The following FERMT2 variants were observed in gnomAD, a reference collection of about 807,000 sequenced individuals.
The protein encoded by FERMT2 is fermitin family homolog 2.
In FERMT2, 15 loss-of-function variants were observed where a neutral mutation model predicts 82.7. That is an observed-to-expected ratio of 0.18 (90% CI 0.12 to 0.28). The LOEUF is 0.28. FERMT2 is among the 10% of genes least tolerant of loss of function. The pLI, the probability that FERMT2 is intolerant of heterozygous loss-of-function variation, is 1.00. For missense variants in FERMT2, 645 were observed against 809.4 expected, an observed-to-expected ratio of 0.80 and a Z score of 2.46; for synonymous variants, 274 against 271.5, an observed-to-expected ratio of 1.01 and a Z score of -0.09.
intron 4 of FERMT2, among the ~76,000 whole-genome samples, chr14:52,888,910 C>T (rs1886764408): frequency 6.6e-6 from 1 of 151,954 alleles, no homozygotes; most frequent in Non-Finnish European, 1.5e-5. Flanking sequence ...TAAGTAAAAG[C>T]TAGGTTGTGG....
intron 9 of FERMT2, 80 bp downstream of exon 9, chr14:52,874,097 A>C: frequency 6.7e-6 from 6 of 896,532 alleles, no homozygotes; most frequent in Non-Finnish European, 1.0e-5. Flanking sequence ...AGTCAAACTT[A>C]ACAGTTAGTT....
At chr14:52,890,855 A>C (rs1886900319) in intron 4 of FERMT2, among the ~76,000 whole-genome samples, 1 of 152,030 alleles carries the variant, frequency 6.6e-6, no homozygotes, top group Non-Finnish European at 1.5e-5. Context: ...CACCCACCTC[A>C]GCCTCCCAAA....
rs768255796 is a variant in FERMT2 at position 52,945,191 on chromosome 14, G to GT, written c.157+5220dup. ...CTCCCAAAGTGCTAGGATTACAGGC[G>GT]TAAGTTACCGCACCCAGCCAATCCT... On this transcript the variant is annotated intron_variant, in intron 2 of 14. Transcript: ENST00000341590. Among the ~76,000 whole-genome samples, 277 of 152,006 alleles carry GT rather than the reference G, an allele frequency of 1.8e-3. 1 individual carries two copies. The highest frequency in any genetic ancestry group is 3.2e-3 in the Non-Finnish European group (219 of 67,966).
Position 52,858,420 on chromosome 14 carries a change from A to C in FERMT2, c.2000T>G (p.Leu667Ter). 6.2e-7 allele frequency: 1 copy of C among 1,614,152 alleles called. No individual in the cohort carries two copies. Among genetic ancestry groups the C allele is most frequent in the Non-Finnish European group, 8.5e-7 (1 of 1,179,986 alleles). The change falls in exon 15 of 15, where the codon TTA becomes TGA. Residue 667 changes from leucine (L) to a stop codon, truncating the protein, a stop_gained. Coordinates refer to ENST00000341590, the MANE Select transcript of FERMT2 (RefSeq NM_006832.3). LOFTEE classifies it high-confidence loss of function. ...AAGTTTGTAGAACATCTCTTCATCT[A>C]AACTCTCGTTTTGGTCTTTTGCACG... The part of the protein sequence containing the change: ...STRAKDQNES[L>*]DEEMFYKLTS...
intron 3 of FERMT2, among the ~76,000 whole-genome samples, chr14:52,912,824 T>G (rs986542500): frequency 6.6e-6 from 1 of 152,146 alleles, no homozygotes; most frequent in Non-Finnish European, 1.5e-5. Context: ...ATCATTACTT[T>G]CCATTCGATC....
At chr14:52,940,384 A>G (rs569452640) in intron 2 of FERMT2, among the ~76,000 whole-genome samples, 3 of 152,230 alleles carry the variant, frequency 2.0e-5, no homozygotes, top group African/African-American at 7.2e-5. Flanking sequence ...AAATACCATA[A>G]GACATCATTT....
At chr14:52,915,568 C>T (rs1375313419) in intron 3 of FERMT2, among the ~76,000 whole-genome samples, 1 of 152,066 alleles carries the variant, frequency 6.6e-6, no homozygotes, top group African/African-American at 2.4e-5. Flanking sequence ...GCATTTTCTC[C>T]TAAAATATGC....
chr14:52,859,427 G>T, intron 14 of FERMT2, 146 bp downstream of exon 14: 3 of 738,364 alleles, frequency 4.1e-6, no homozygotes, highest in Non-Finnish European at 3.9e-6. Flanking sequence ...AAATTTAAGT[G>T]AGAAATGAAT....
chr14:52,916,688 A>G (rs1310145784), intron 3 of FERMT2, among the ~76,000 whole-genome samples: 1 of 152,204 alleles, frequency 6.6e-6, no homozygotes, highest in East Asian at 1.9e-4. Flanking sequence ...ACTGTCACTG[A>G]GTGATAATGG....
At position 52,896,381 on chromosome 14, in the gene FERMT2, T is replaced by G. The variant is rs576029609; in HGVS notation, c.392-2954A>C. Among the ~76,000 whole-genome samples, 4 of 152,300 alleles carry G rather than the reference T, an allele frequency of 2.6e-5. No individual in the cohort carries two copies. The South Asian group carries it at 8.3e-4, about 32-fold the overall frequency. ...TTAGGAGCCCATGACATCCACTAGA[T>G]TCAACCCAATATTATAAATTCAGAA... On this transcript the variant is annotated intron_variant, in intron 3 of 14. Transcript: ENST00000341590.
rs1566733870 is a variant in FERMT2, at chr14:52,892,449, G to GTT, written c.526+842_526+843dup. On this transcript the variant is annotated intron_variant, in intron 4 of 14. Transcript: ENST00000341590. Reference sequence around the variant, plus strand: ...GAGCCACAGTACCCCGCCTGGTGCTGTTTTTTGTTTTTTTTTTTTTTTGAG... The same window carrying GTT: ...GAGCCACAGTACCCCGCCTGGTGCTGTTTTTTTTGTTTTTTTTTTTTTTTGAG... 8.7e-5 allele frequency among the ~76,000 whole-genome samples: 4 copies of GTT among 45,878 alleles called. No individual in the cohort carries two copies. In the East Asian group the frequency reaches 2.4e-3, roughly 28 times the overall value. 30.1% of individuals were successfully genotyped at this position (45,878 alleles called of 152,430 possible). A position where few individuals can be genotyped will look rare whatever the true frequency, so the allele number is the denominator to read the frequency against.
chr14:52,902,770 G>A (rs12590744), intron 3 of FERMT2, among the ~76,000 whole-genome samples: 23,417 of 149,100 alleles, frequency 0.16, 2,246 homozygotes, highest in African/African-American at 0.26. Context: ...TTGGGAGGCT[G>A]AGGCAGGAGA....
intron 2 of FERMT2, among the ~76,000 whole-genome samples, chr14:52,946,121 C>T (rs572146444): frequency 3.0e-4 from 46 of 152,172 alleles, no homozygotes; most frequent in African/African-American, 1.0e-3. Context: ...CTGATCTGCC[C>T]GCCTTGGCCT....
At chr14:52,865,441 G>T (rs1297130598) in intron 10 of FERMT2, among the ~76,000 whole-genome samples, 1 of 152,208 alleles carries the variant, frequency 6.6e-6, no homozygotes, top group Admixed American at 6.5e-5. Context: ...ATACAGTGAA[G>T]TAGAGCTCTG....
chr14:52,929,599 A>G (rs1346930454), intron 2 of FERMT2, among the ~76,000 whole-genome samples: 3 of 152,102 alleles, frequency 2.0e-5, no homozygotes, highest in Admixed American at 6.5e-5. Flanking sequence ...GAATCATATA[A>G]CTAAGCTCTT....
At chr14:52,903,675 T>C (rs974475439) in intron 3 of FERMT2, among the ~76,000 whole-genome samples, 1 of 152,162 alleles carries the variant, frequency 6.6e-6, no homozygotes, top group Non-Finnish European at 1.5e-5. Flanking sequence ...ATCCAACAAT[T>C]CTATCAAAGG....
intron 7 of FERMT2, among the ~76,000 whole-genome samples, chr14:52,876,675 C>T (rs1181483440): frequency 6.6e-6 from 1 of 152,124 alleles, no homozygotes; most frequent in Non-Finnish European, 1.5e-5. Flanking sequence ...TTTTTATCCC[C>T]ACCTTCTTGT....
chr14:52,944,393 AAC>A (rs1438780362), intron 2 of FERMT2, among the ~76,000 whole-genome samples: 1 of 152,198 alleles, frequency 6.6e-6, no homozygotes, highest in East Asian at 1.9e-4. Context: ...CAAGGGGAAA[AAC>A]TAAGGATTTC....
chr14:52,910,604 C>T (rs902830998), intron 3 of FERMT2, among the ~76,000 whole-genome samples: 1 of 152,028 alleles, frequency 6.6e-6, no homozygotes, highest in African/African-American at 2.4e-5. Flanking sequence ...TCTGAAAGTG[C>T]GTTTTTGGAA....
Sources: allele counts gnomAD v4.1 joint callset (sites outside exome capture counted in the v4.1 genomes callset), GRCh38; gene constraint gnomAD v4.1.1; transcripts MANE v1.5; gene names NCBI Gene and HGNC (gene_info 2026-07-23, HGNC 2026-07-21).